DBNL: variants seen among roughly 807,000 people sequenced by gnomAD.
DBNL encodes drebrin like.
DBNL carries 35 observed loss-of-function variants against 62.2 expected under a neutral mutation model. The ratio of observed to expected loss-of-function variants is 0.56; its 90% CI spans 0.43 to 0.75. The LOEUF (loss-of-function observed/expected upper bound fraction) is 0.75, where lower values mean the gene tolerates loss of function less well. DBNL is among the 30% of genes least tolerant of loss of function. DBNL has a pLI of 0.00. For synonymous variants in DBNL, 197 were observed against 218.0 expected, an observed-to-expected ratio of 0.90 and a Z score of 0.85; for missense variants, 495 against 578.4, an observed-to-expected ratio of 0.86 and a Z score of 1.48.
In DBNL at chr7:44,060,774, C is replaced by T. The variant is rs17546439; in HGVS notation, c.1154-3C>T. The T allele has an allele frequency of 0.047, 75,902 of 1,613,052 alleles. 2,053 individuals carry two copies. The highest frequency in any genetic ancestry group is 0.054 in the Non-Finnish European group (64,148 of 1,179,448). On this transcript the variant is annotated splice_polypyrimidine_tract_variant and splice_region_variant and intron_variant, in intron 12 of 12. Coordinates refer to ENST00000448521, the MANE Select transcript of DBNL (RefSeq NM_001014436.3). The surrounding 1 kb of genome is among the most constrained non-coding windows in gnomAD (Gnocchi z 6.3). Reference sequence around the variant, plus strand: ...TATGCATCTGGGCTCATCCTCTTTGCAGCCGACGACACAGAGATCTCCTTT... The same window carrying T: ...TATGCATCTGGGCTCATCCTCTTTGTAGCCGACGACACAGAGATCTCCTTT...
rs2096153086 is a variant in DBNL at position 44,063,483 on chromosome 7, T to G, written c.*2567T>G. The G allele has an allele frequency of 2.7e-5, 5 of 185,132 alleles. No individual in the cohort carries two copies. The South Asian group carries it at 5.0e-4, about 19-fold the overall frequency. 11.5% of individuals were successfully genotyped at this position (185,132 alleles called of 1,614,324 possible). A position where few individuals can be genotyped will look rare whatever the true frequency, so the allele number is the denominator to read the frequency against. On this transcript the variant is annotated 3_prime_UTR_variant, in exon 13 of 13. Coordinates refer to ENST00000448521, the MANE Select transcript of DBNL (RefSeq NM_001014436.3). ...TTTAGTAGAAACGGGTTTTACCATG[T>G]TGGTCAGGCTGGTCTCAAACTCCTG...
In DBNL at chr7:44,064,446, C is replaced by T; in HGVS notation, c.*3530C>T. 1 of 312,896 alleles carries T rather than the reference C, an allele frequency of 3.2e-6. No individual in the cohort carries two copies. The highest frequency in any genetic ancestry group is 6.1e-6 in the Non-Finnish European group (1 of 162,618). The allele number at this position is 312,896 out of a possible 1,614,324, so 19.4% of individuals were successfully genotyped here. A position where few individuals can be genotyped will look rare whatever the true frequency, so the allele number is the denominator to read the frequency against. On this transcript the variant is annotated 3_prime_UTR_variant, in exon 13 of 13. Coordinates refer to ENST00000448521, the MANE Select transcript of DBNL (RefSeq NM_001014436.3). ...AGTACCAGGGGGAGCTCCCCACCAC[C>T]CCGGAAAAGGGAGAGGCCCAGAGAT...
At chr7:44,058,788 G>A (rs1420590847) in intron 8 of DBNL, 114 bp from the exon 9 acceptor site, 17 of 1,187,734 alleles carry the variant, frequency 1.4e-5, no homozygotes, top group Non-Finnish European at 2.4e-6. Flanking sequence ...TTTGCCTCCT[G>A]GCCCCACACT....
chr7:44,044,814 C>T lies in DBNL; in HGVS notation c.77C>T (p.Thr26Ile). The change falls in exon 1 of 13, where the codon ACC becomes ATC. Residue 26 changes from threonine (T) to isoleucine (I), a missense_variant. Physicochemically the swap from Thr to Ile is moderately conservative, Grantham distance 89 (BLOSUM62 -1). Coordinates refer to ENST00000448521, the MANE Select transcript of DBNL (RefSeq NM_001014436.3). ...YVRVVTEKSP[T>I]DWALFTYEGN... ...CGGGTGGTCACCGAGAAGTCCCCGACCGACTGGTGGGCGGCGAGACGGGCC... is the reference window on the plus strand; with the variant it reads ...CGGGTGGTCACCGAGAAGTCCCCGATCGACTGGTGGGCGGCGAGACGGGCC... The T allele has an allele frequency of 1.4e-6, 2 of 1,480,128 alleles. No homozygotes were observed. The highest frequency in any genetic ancestry group is 2.5e-5 in the South Asian group (2 of 78,508). 91.7% of individuals were successfully genotyped at this position (1,480,128 alleles called of 1,614,324 possible).
rs745411082 is a variant in DBNL at position 44,060,331 on chromosome 7, T to G, written c.1153+178T>G. Among the ~76,000 whole-genome samples, 7 of 151,704 alleles carry G rather than the reference T, an allele frequency of 4.6e-5. No homozygotes were observed. Among genetic ancestry groups the G allele is most frequent in the Non-Finnish European group, 8.8e-5 (6 of 67,884 alleles). On this transcript the variant is annotated intron_variant, in intron 12 of 12. Coordinates refer to ENST00000448521, the MANE Select transcript of DBNL (RefSeq NM_001014436.3). This position sits in a 1 kb window ranked among gnomAD's most constrained non-coding sequence, Gnocchi z 6.3. ...AGTGGGGGTGACTGTGGCACTAGAG[T>G]GTTCTGCACAGCCCAGGCCTCCCTA...
At chr7:44,051,158 C>G (rs1202461620) in intron 2 of DBNL, 2 of 152,456 alleles carry the variant, frequency 1.3e-5, no homozygotes, top group Non-Finnish European at 2.9e-5. Context: ...ACTGCCTCCA[C>G]TCATACGGAG....
At chr7:44,048,247 C>T (rs557240176) in intron 1 of DBNL, among the ~76,000 whole-genome samples, 14 of 152,316 alleles carry the variant, frequency 9.2e-5, no homozygotes, top group African/African-American at 3.4e-4. Context: ...GGTTGAGCTG[C>T]CATCTTCTGT....
rs1444840810 is a variant in DBNL at position 44,064,555 on chromosome 7, G to C, written c.*3639G>C. 3 of 505,198 alleles carry C rather than the reference G, an allele frequency of 5.9e-6. No individual in the cohort carries two copies. The highest frequency in any genetic ancestry group is 1.1e-5 in the Non-Finnish European group (3 of 277,472). 31.3% of individuals were successfully genotyped at this position (505,198 alleles called of 1,614,324 possible). On this transcript the variant is annotated 3_prime_UTR_variant, in exon 13 of 13. Transcript: ENST00000448521. ...CCCAGCCCTTCCGTTTCCTAGCTGG[G>C]TGTCCCTTGGCAGATGCCACCTTTG...
At chr7:44,050,715 C>T (rs117250108) in intron 2 of DBNL, 1,707 of 170,690 alleles carry the variant, frequency 0.01, 12 homozygotes, top group Non-Finnish European at 0.016. Flanking sequence ...CAGATAGTCA[C>T]GGGGGAGGCT....
At position 44,051,682 on chromosome 7, in the gene DBNL, G is replaced by A; in HGVS notation, c.140-148G>A. The A allele has an allele frequency of 5.2e-5, 35 of 679,254 alleles. No homozygotes were observed. The South Asian group carries it at 6.7e-4, about 13-fold the overall frequency. 42.1% of individuals were successfully genotyped at this position (679,254 alleles called of 1,614,324 possible). ...TAGTGAGGGTGGTGCCCAGGACTCT[G>A]ATTTTAAACATACCCCTAGAAAGAT... On this transcript the variant is annotated intron_variant, in intron 2 of 12. Transcript: ENST00000448521.
chr7:44,056,947 C>T, intron 5 of DBNL, 44 bp downstream of exon 5: 1 of 1,610,276 alleles, frequency 6.2e-7, no homozygotes, highest in Non-Finnish European at 8.5e-7. Flanking sequence ...TTGCTCAGGG[C>T]CTGAGGCAGG....
intron 6 of DBNL, 58 bp from the exon 7 acceptor site, chr7:44,058,071 C>A: frequency 1.9e-6 from 3 of 1,542,096 alleles, no homozygotes; most frequent in South Asian, 1.2e-5. Context: ...CAGTCCTGGG[C>A]AGGGGATTAG....
intron 5 of DBNL, 57 bp from the exon 6 acceptor site, chr7:44,057,725 C>T (rs1009664951): frequency 1.5e-4 from 238 of 1,601,368 alleles, no homozygotes; most frequent in Non-Finnish European, 1.9e-4. Flanking sequence ...CCTTTGGTGC[C>T]TGTGGGCCTG....
intron 6 of DBNL, 70 bp downstream of exon 6, chr7:44,057,929 A>G (rs1315346834): frequency 1.2e-6 from 2 of 1,602,240 alleles, no homozygotes; most frequent in East Asian, 4.5e-5. Flanking sequence ...CTTTCCTCAC[A>G]AGTGAGCTCA....
At position 44,067,167 on chromosome 7, in the gene DBNL, C is replaced by T. The variant is rs1240972184; in HGVS notation, c.*6251C>T. On this transcript the variant is annotated 3_prime_UTR_variant, in exon 13 of 13. Transcript: ENST00000448521. ...GCAAAGGCCTCAGCTATGATGAGTCCTACAGGGAGAGCAATTCAGGTAGAG... is the reference window on the plus strand; with the variant it reads ...GCAAAGGCCTCAGCTATGATGAGTCTTACAGGGAGAGCAATTCAGGTAGAG... The T allele has an allele frequency of 1.3e-5, 2 of 152,258 alleles. No individual in the cohort carries two copies. The highest frequency in any genetic ancestry group is 1.3e-4 in the Admixed American group (2 of 15,282). 9.4% of individuals were successfully genotyped at this position (152,258 alleles called of 1,614,324 possible).
chr7:44,059,503 G>A lies in DBNL; in HGVS notation c.932-40G>A. The A allele has an allele frequency of 6.2e-7, 1 of 1,613,488 alleles. No individual in the cohort carries two copies. Among genetic ancestry groups the A allele is most frequent in the East Asian group, 2.2e-5 (1 of 44,872 alleles). On this transcript the variant is annotated intron_variant, in intron 10 of 12. Transcript: ENST00000448521. The surrounding 1 kb of genome is among the most constrained non-coding windows in gnomAD (Gnocchi z 4.1). ...CTGGGGGACAGCAGTGGAGAAGGGGGATGTGTGGGAGTGAGAACCTGCTGT... is the reference window on the plus strand; with the variant it reads ...CTGGGGGACAGCAGTGGAGAAGGGGAATGTGTGGGAGTGAGAACCTGCTGT...
Position 44,060,688 on chromosome 7 carries a change from G to C in DBNL, c.1154-89G>C. On this transcript the variant is annotated intron_variant, in intron 12 of 12. Coordinates refer to ENST00000448521, the MANE Select transcript of DBNL (RefSeq NM_001014436.3). This position sits in a 1 kb window ranked among gnomAD's most constrained non-coding sequence, Gnocchi z 6.3. ...AACCAGAGCTGCAGCGAGGTGTGCTGCAGCAGTGTGGGGCTGCCGTGGGCT... is the reference window on the plus strand; with the variant it reads ...AACCAGAGCTGCAGCGAGGTGTGCTCCAGCAGTGTGGGGCTGCCGTGGGCT... 6.5e-7 allele frequency: 1 copy of C among 1,544,376 alleles called. No homozygotes were observed. Among genetic ancestry groups the C allele is most frequent in the East Asian group, 2.3e-5 (1 of 44,312 alleles).
Position 44,061,031 on chromosome 7 carries a change from TGAGG to T in DBNL, c.*116_*119del. On this transcript the variant is annotated 3_prime_UTR_variant, in exon 13 of 13. Transcript: ENST00000448521. ...CCAGGAATAGGACCCCCAGTGAGGATGAGGCCTCAGGGCTCCCTCCGGCTTGGCA... is the reference window on the plus strand; with the variant it reads ...CCAGGAATAGGACCCCCAGTGAGGATCCTCAGGGCTCCCTCCGGCTTGGCA... 1 of 1,402,562 alleles carries T rather than the reference TGAGG, an allele frequency of 7.1e-7. No individual in the cohort carries two copies. The highest frequency in any genetic ancestry group is 9.5e-7 in the Non-Finnish European group (1 of 1,053,028). 86.9% of individuals were successfully genotyped at this position (1,402,562 alleles called of 1,614,324 possible).
chr7:44,058,659 T>C (rs1013443032), intron 8 of DBNL, 179 bp downstream of exon 8: 43 of 950,382 alleles, frequency 4.5e-5, no homozygotes, highest in Non-Finnish European at 6.6e-5. Flanking sequence ...GGCGGAAGCG[T>C]CGGGCTTGGA....
Sources: gnomAD v4.1 joint callset for allele counts (sites outside exome capture counted in the v4.1 genomes callset) on GRCh38, gnomAD v4.1.1 for gene constraint, Gnocchi (gnomAD v3.1) non-coding constraint, MANE v1.5 for transcripts, NCBI Gene and HGNC (gene_info 2026-07-23, HGNC 2026-07-21) for gene names.